Variants in PACSIN2 observed in about 807,000 individuals in gnomAD.
PACSIN2 encodes protein kinase C and casein kinase substrate in neurons protein 2.
A neutral mutation model predicts 63.8 loss-of-function variants in PACSIN2; 25 were observed. The ratio of observed to expected loss-of-function variants is 0.39; its 90% CI spans 0.29 to 0.55. PACSIN2 has a LOEUF of 0.55. Ranked by LOEUF, PACSIN2 falls within the 20% of genes least tolerant of loss-of-function variation. PACSIN2 has a pLI of 0.62. For missense variants in PACSIN2, 518 were observed against 646.9 expected, an observed-to-expected ratio of 0.80 and a Z score of 2.16; for synonymous variants, 255 against 256.2, an observed-to-expected ratio of 1.00 and a Z score of 0.05.
intron 1 of PACSIN2, among the ~76,000 whole-genome samples, chr22:42,964,156 G>A (rs147719493): frequency 5.4e-4 from 83 of 152,322 alleles, no homozygotes; most frequent in Non-Finnish European, 1.1e-3. Flanking sequence ...GGTGGCCCAT[G>A]CCTGTAATCC....
chr22:42,968,677 A>G (rs1220024638), intron 1 of PACSIN2, among the ~76,000 whole-genome samples: 1 of 152,180 alleles, frequency 6.6e-6, no homozygotes, highest in Non-Finnish European at 1.5e-5. Flanking sequence ...AGCCACCATC[A>G]ATAAGGGCAG....
At chr22:42,901,191 G>A (rs1930660374) in intron 2 of PACSIN2, among the ~76,000 whole-genome samples, 1 of 152,166 alleles carries the variant, frequency 6.6e-6, no homozygotes, top group African/African-American at 2.4e-5. Context: ...GGTCAAGGGT[G>A]AGCCAGCTAT....
chr22:42,954,618 A>G (rs1478955903), intron 1 of PACSIN2, among the ~76,000 whole-genome samples: 1 of 152,134 alleles, frequency 6.6e-6, no homozygotes, highest in Non-Finnish European at 1.5e-5. Context: ...GGTCTCAATG[A>G]CTTTTTAATT....
chr22:42,983,495 A>AAAAAAAC (rs1010489321), intron 1 of PACSIN2, among the ~76,000 whole-genome samples: 1 of 142,210 alleles, frequency 7.0e-6, no homozygotes, highest in East Asian at 2.0e-4. Context: ...ATCTCAAAAA[A>AAAAAAAC]AAAAAAAAAA....
intron 1 of PACSIN2, among the ~76,000 whole-genome samples, chr22:42,935,115 C>T (rs1196624378): frequency 1.3e-4 from 20 of 149,192 alleles, no homozygotes; most frequent in African/African-American, 4.0e-4. Flanking sequence ...TCAGTAGAGT[C>T]GGGGTTTCAC....
At chr22:42,943,924 T>C (rs1235803447) in intron 1 of PACSIN2, among the ~76,000 whole-genome samples, 1 of 152,162 alleles carries the variant, frequency 6.6e-6, no homozygotes, top group Non-Finnish European at 1.5e-5. Context: ...TTACCTAAAA[T>C]ACATTAAGAG....
At chr22:42,974,776 GAGA>G (rs1322238986) in intron 1 of PACSIN2, among the ~76,000 whole-genome samples, 6 of 147,780 alleles carry the variant, frequency 4.1e-5, no homozygotes, top group Middle Eastern at 3.3e-3. Context: ...GAAAAGAAAA[GAGA>G]AGAAGGAGGA....
In PACSIN2 at chr22:42,876,270, G is replaced by A. The variant is rs369036329; in HGVS notation, c.1215C>T (p.Asn405=). Residue 405 remains asparagine, a synonymous_variant, in exon 10 of 11, where the codon AAC becomes AAT. Coordinates refer to ENST00000263246, the MANE Select transcript of PACSIN2 (RefSeq NM_001184970.3). ...CATTGGCATCCGTGGAGGAGAAGGG[G>A]TTGTTAGACTCATCGTCTGACCAGT... ...PTDWSDDESN[N]PFSSTDANGD... 3.3e-5 allele frequency: 54 copies of A among 1,614,100 alleles called. No individual in the cohort carries two copies. Among genetic ancestry groups the A allele is most frequent in the Non-Finnish European group, 4.4e-5 (52 of 1,180,030 alleles).
chr22:42,936,650 C>T (rs1469155545), intron 1 of PACSIN2, among the ~76,000 whole-genome samples: 1 of 152,112 alleles, frequency 6.6e-6, no homozygotes, highest in African/African-American at 2.4e-5. Context: ...GTGGCTCATG[C>T]CTGTAATCCC....
In PACSIN2 at chr22:42,971,776, C is replaced by G. The variant is rs568277955; in HGVS notation, c.-78+43245G>C. Among the ~76,000 whole-genome samples the G allele has an allele frequency of 4.5e-3, 687 of 151,332 alleles. 3 individuals are homozygous for G. Among genetic ancestry groups the G allele is most frequent in the Non-Finnish European group, 7.4e-3 (500 of 67,832 alleles). ...GAGGTGGGGGGTAGCCCCCGCCCGG[C>G]CAGCCGCCCCATCCGGGAGGGAGGT... On this transcript the variant is annotated intron_variant, in intron 1 of 10. Transcript: ENST00000263246.
At chr22:42,981,501 C>T (rs1301905134) in intron 1 of PACSIN2, among the ~76,000 whole-genome samples, 1 of 76,908 alleles carries the variant, frequency 1.3e-5, no homozygotes, top group African/African-American at 6.5e-5. Flanking sequence ...GTCGGCCAGC[C>T]GCCCCGTCCG....
intron 2 of PACSIN2, among the ~76,000 whole-genome samples, chr22:42,902,094 G>A (rs979900939): frequency 1.2e-4 from 18 of 152,238 alleles, no homozygotes; most frequent in African/African-American, 3.9e-4. Flanking sequence ...CGAGGCCCTA[G>A]GGATATAGTG....
chr22:42,988,091 C>T (rs1035359568), intron 1 of PACSIN2, among the ~76,000 whole-genome samples: 5 of 151,964 alleles, frequency 3.3e-5, no homozygotes, highest in African/African-American at 9.7e-5. Flanking sequence ...GAGCCGAGAT[C>T]GCACCACTGC....
chr22:43,014,697 C>T (rs1046850028), intron 1 of PACSIN2, among the ~76,000 whole-genome samples: 29 of 151,918 alleles, frequency 1.9e-4, no homozygotes, highest in Admixed American at 1.9e-3. Context: ...TCCTGCACTT[C>T]CCTCTCCAGC....
intron 1 of PACSIN2, among the ~76,000 whole-genome samples, chr22:42,915,757 T>C (rs952117317): frequency 6.6e-6 from 1 of 152,226 alleles, no homozygotes; most frequent in Non-Finnish European, 1.5e-5. Flanking sequence ...GAAATTACTT[T>C]AGGAAGCTCT....
intron 1 of PACSIN2, among the ~76,000 whole-genome samples, chr22:42,954,791 G>C (rs1200414587): frequency 6.6e-6 from 1 of 152,182 alleles, no homozygotes; most frequent in East Asian, 1.9e-4. Context: ...GATGATGCCA[G>C]GGAATGGGGG....
At chr22:42,917,087 T>C (rs922777800) in intron 1 of PACSIN2, among the ~76,000 whole-genome samples, 1 of 152,110 alleles carries the variant, frequency 6.6e-6, no homozygotes, top group African/African-American at 2.4e-5. Context: ...CTGCGCCCCA[T>C]GCACTACACG....
At position 42,890,934 on chromosome 22, in the gene PACSIN2, A is replaced by T. The variant is rs780816372; in HGVS notation, c.453+13T>A. 22 of 1,609,476 alleles carry T rather than the reference A, an allele frequency of 1.4e-5. No homozygotes were observed. Among genetic ancestry groups the T allele is most frequent in the Admixed American group, 1.7e-5 (1 of 59,994 alleles). The stretch of plus-strand genomic sequence containing the variant: ...AGCAAGGCCGGGCAGGGAAGCCTGC[A>T]GGACAGATGTACCTCTTTCAGCTTC... On this transcript the variant is annotated intron_variant, in intron 4 of 10. Coordinates refer to ENST00000263246, the MANE Select transcript of PACSIN2 (RefSeq NM_001184970.3).
At chr22:42,977,768 C>G (rs900184482) in intron 1 of PACSIN2, among the ~76,000 whole-genome samples, 1 of 152,224 alleles carries the variant, frequency 6.6e-6, no homozygotes. Flanking sequence ...TGTGGCACTT[C>G]CCCCCTCACG....
Sources: allele counts gnomAD v4.1 joint callset (sites outside exome capture counted in the v4.1 genomes callset), GRCh38; gene constraint gnomAD v4.1.1; transcripts MANE v1.5; gene names NCBI Gene and HGNC (gene_info 2026-07-23, HGNC 2026-07-21).